The following MYO1D variants were observed in gnomAD, a reference collection of about 807,000 sequenced individuals.
MYO1D encodes the protein unconventional myosin-Id.
A neutral mutation model predicts 122.0 loss-of-function variants in MYO1D; 83 were observed. That is an observed-to-expected ratio of 0.68 (90% CI 0.57 to 0.82). The LOEUF (loss-of-function observed/expected upper bound fraction) is 0.82, where lower values mean the gene tolerates loss of function less well. Among genes scored for constraint, MYO1D ranks in the 40% least tolerant of loss-of-function variants. MYO1D has a pLI of 0.00. For synonymous variants in MYO1D, 464 were observed against 446.9 expected (o/e 1.04, Z -0.48); for missense variants, 1,157 against 1,269.5 (o/e 0.91, Z 1.35).
At chr17:32,804,387 T>C (rs1019742106) in intron 1 of MYO1D, among the ~76,000 whole-genome samples, 1 of 152,052 alleles carries the variant, frequency 6.6e-6, no homozygotes, top group Non-Finnish European at 1.5e-5. Flanking sequence ...ATGACTAGGG[T>C]TTACTTTGGA....
chr17:32,648,105 T>C (rs1054526938), intron 19 of MYO1D, among the ~76,000 whole-genome samples: 4 of 152,024 alleles, frequency 2.6e-5, no homozygotes, highest in African/African-American at 9.7e-5. Context: ...TTCCAGCTAC[T>C]GGGGAGGCTG....
At chr17:32,844,839 T>G (rs2090920530) in intron 1 of MYO1D, among the ~76,000 whole-genome samples, 1 of 152,232 alleles carries the variant, frequency 6.6e-6, no homozygotes, top group Non-Finnish European at 1.5e-5. Context: ...GGAGACTTTC[T>G]CTTTATAAAT....
intron 20 of MYO1D, among the ~76,000 whole-genome samples, chr17:32,622,446 G>C (rs1197078587): frequency 2.0e-5 from 3 of 152,102 alleles, no homozygotes; most frequent in Non-Finnish European, 2.9e-5. Context: ...TGGGGGTGTG[G>C]GGGAGCCAGA....
At chr17:32,729,067 A>G (rs2089607792) in intron 14 of MYO1D, among the ~76,000 whole-genome samples, 2 of 152,222 alleles carry the variant, frequency 1.3e-5, no homozygotes, top group Non-Finnish European at 2.9e-5. Flanking sequence ...AGCCTAAGAA[A>G]TCCTAAATTT....
chr17:32,784,446 C>CTT (rs397971659), intron 1 of MYO1D, among the ~76,000 whole-genome samples: 2 of 148,934 alleles, frequency 1.3e-5, no homozygotes, highest in African/African-American at 4.9e-5. Context: ...GCTCTGTTAC[C>CTT]TTTTTTTTTT....
At chr17:32,743,334 G>C (rs1372648053) in intron 13 of MYO1D, among the ~76,000 whole-genome samples, 1 of 152,096 alleles carries the variant, frequency 6.6e-6, no homozygotes, top group African/African-American at 2.4e-5. Context: ...AGTTGCAATT[G>C]CTGATTTGGC....
intron 1 of MYO1D, among the ~76,000 whole-genome samples, chr17:32,839,257 C>G (rs2090854933): frequency 6.6e-6 from 1 of 152,162 alleles, no homozygotes; most frequent in South Asian, 2.1e-4. Flanking sequence ...CAGTGTTAAA[C>G]AGAGGTATAC....
intron 1 of MYO1D, among the ~76,000 whole-genome samples, chr17:32,874,150 A>G (rs2091206491): frequency 6.6e-6 from 1 of 152,166 alleles, no homozygotes; most frequent in South Asian, 2.1e-4. Flanking sequence ...AACCTAAGGT[A>G]TCTCTCTCTC....
chr17:32,780,161 T>C (rs909153513), intron 2 of MYO1D, among the ~76,000 whole-genome samples: 7 of 152,180 alleles, frequency 4.6e-5, no homozygotes, highest in African/African-American at 7.2e-5. Flanking sequence ...CACGCCTCAG[T>C]AGGTCCCTCA....
chr17:32,723,411 G>A (rs1007323561), intron 14 of MYO1D, among the ~76,000 whole-genome samples: 6 of 152,130 alleles, frequency 3.9e-5, no homozygotes, highest in Non-Finnish European at 8.8e-5. Context: ...GAGAGTTGCT[G>A]TTGCTATGCA....
chr17:32,500,474 G>C (rs1241696450), intron 21 of MYO1D, among the ~76,000 whole-genome samples: 4 of 152,172 alleles, frequency 2.6e-5, no homozygotes, highest in Non-Finnish European at 1.5e-5. Flanking sequence ...AGTTGCCTGG[G>C]TTACTACTTT....
chr17:32,866,888 G>A (rs1474118548), intron 1 of MYO1D, among the ~76,000 whole-genome samples: 1 of 151,970 alleles, frequency 6.6e-6, no homozygotes, highest in Non-Finnish European at 1.5e-5. Flanking sequence ...CTTCAACAAG[G>A]GTCTGCTGAC....
At chr17:32,809,134 T>TAAAAA (rs371101816) in intron 1 of MYO1D, among the ~76,000 whole-genome samples, 4 of 134,562 alleles carry the variant, frequency 3.0e-5, no homozygotes, top group African/African-American at 2.7e-5. Flanking sequence ...TTGTTTTTGA[T>TAAAAA]AAAAAAAAAA....
chr17:32,782,363 G>A (rs901933641), intron 1 of MYO1D, among the ~76,000 whole-genome samples: 37 of 151,944 alleles, frequency 2.4e-4, no homozygotes, highest in African/African-American at 8.9e-4. Flanking sequence ...TTTACATCTG[G>A]GTTTGAATGC....
chr17:32,540,700 C>T (rs148694281), intron 21 of MYO1D, among the ~76,000 whole-genome samples: 263 of 151,828 alleles, frequency 1.7e-3, no homozygotes, highest in African/African-American at 5.9e-3. Flanking sequence ...CTGAGGTGGG[C>T]GGATCACTTG....
At chr17:32,621,143 A>C (rs1323941186) in intron 20 of MYO1D, among the ~76,000 whole-genome samples, 1 of 152,068 alleles carries the variant, frequency 6.6e-6, no homozygotes, top group African/African-American at 2.4e-5. Flanking sequence ...TTTCACTGTA[A>C]CCTGTCACAT....
At chr17:32,579,660 C>T (rs529611477) in intron 21 of MYO1D, among the ~76,000 whole-genome samples, 2 of 152,252 alleles carry the variant, frequency 1.3e-5, no homozygotes, top group African/African-American at 4.8e-5. Context: ...CTACTTCCTT[C>T]CCCTCCCTAT....
chr17:32,522,706 T>A (rs557151048), intron 21 of MYO1D, among the ~76,000 whole-genome samples: 176 of 151,258 alleles, frequency 1.2e-3, no homozygotes, highest in Admixed American at 2.6e-3. Flanking sequence ...GGTAGAGGAG[T>A]CACACAGCCA....
chr17:32,763,442 G>A (rs921208829), intron 8 of MYO1D, among the ~76,000 whole-genome samples: 3 of 152,058 alleles, frequency 2.0e-5, no homozygotes, highest in African/African-American at 7.2e-5. Context: ...AGAACACTTA[G>A]AAATTGACAA....
Sources: gnomAD v4.1 joint callset for allele counts (sites outside exome capture counted in the v4.1 genomes callset) on GRCh38, gnomAD v4.1.1 for gene constraint, MANE v1.5 for transcripts, NCBI Gene and HGNC (gene_info 2026-07-23, HGNC 2026-07-21) for gene names.